Variants in CEP350 observed in about 807,000 individuals in gnomAD.
CEP350 encodes centrosome-associated protein 350.
CEP350 carries 126 observed loss-of-function variants against 331.8 expected under a neutral mutation model. The ratio of observed to expected loss-of-function variants is 0.38; its 90% CI spans 0.33 to 0.44. The LOEUF (loss-of-function observed/expected upper bound fraction) is 0.44. Ranked by LOEUF, CEP350 falls within the 20% of genes least tolerant of loss-of-function variation. CEP350 has a pLI of 1.00. For missense variants in CEP350, 3,406 were observed against 3,634.6 expected (o/e 0.94, Z 1.62); for synonymous variants, 1,200 against 1,259.5 (o/e 0.95, Z 1.00).
intron 24 of CEP350, 130 bp from the exon 25 acceptor site, chr1:180,054,285 A>G (rs1657684177): frequency 1.3e-6 from 1 of 760,932 alleles, no homozygotes. Flanking sequence ...GGCTACATGT[A>G]GCAACTGCTT....
chr1:180,021,958 C>T (rs554527229), intron 12 of CEP350, among the ~76,000 whole-genome samples: 1 of 152,208 alleles, frequency 6.6e-6, no homozygotes, highest in African/African-American at 2.4e-5. Context: ...TCTATCCTTC[C>T]TGCTATATAT....
intron 15 of CEP350, 44 bp from the exon 16 acceptor site, chr1:180,033,818 G>A: frequency 6.4e-7 from 1 of 1,573,072 alleles, no homozygotes. Context: ...GGTTTACAAA[G>A]TACTTTTCCT....
At chr1:180,069,275 T>A (rs1459701717) in intron 27 of CEP350, among the ~76,000 whole-genome samples, 1 of 152,192 alleles carries the variant, frequency 6.6e-6, no homozygotes, top group African/African-American at 2.4e-5. Context: ...AAATGATTGA[T>A]CAAAAAGTTA....
In CEP350 at chr1:179,991,957, C is replaced by G. The variant is rs530360156; in HGVS notation, c.236-105C>G. ...TAGAGATAACTTATATAATATCCAA[C>G]TATTAGAAATAATAGATACCTAATT... On this transcript the variant is annotated intron_variant, in intron 4 of 37. Coordinates refer to ENST00000367607, the MANE Select transcript of CEP350 (RefSeq NM_014810.5). The G allele has an allele frequency of 8.4e-6, 9 of 1,076,596 alleles. No homozygotes were observed. In the African/African-American group the frequency reaches 1.5e-4, roughly 18 times the overall value. The allele number at this position is 1,076,596 out of a possible 1,614,324, so 66.7% of individuals were successfully genotyped here.
At chr1:180,090,557 A>AAGAAAAAAAAAG (rs1553265974) in intron 32 of CEP350, among the ~76,000 whole-genome samples, 157 bp from the exon 33 acceptor site, 2 of 92,244 alleles carry the variant, frequency 2.2e-5, no homozygotes, top group Non-Finnish European at 4.5e-5. Flanking sequence ...AAAAAAAAAA[A>AAGAAAAAAAAAG]AAAAAAAAAA....
intron 21 of CEP350, among the ~76,000 whole-genome samples, chr1:180,047,678 CT>C (rs534463817): frequency 2.8e-4 from 38 of 137,290 alleles, no homozygotes; most frequent in Admixed American, 8.7e-4. Context: ...AGGAGAATCT[CT>C]TGAATCCAGG....
At chr1:180,084,288 T>C (rs1432510724) in intron 31 of CEP350, 110 bp downstream of exon 31, 6 of 1,008,150 alleles carry the variant, frequency 6.0e-6, no homozygotes, top group African/African-American at 3.3e-5. Context: ...TCATTATTAG[T>C]GTGGTGCCAC....
intron 27 of CEP350, among the ~76,000 whole-genome samples, 162 bp downstream of exon 27, chr1:180,065,434 G>A (rs966605286): frequency 1.3e-5 from 2 of 152,102 alleles, no homozygotes; most frequent in African/African-American, 4.8e-5. Context: ...CCAATTAACT[G>A]TAGATCTTAT....
intron 37 of CEP350, among the ~76,000 whole-genome samples, chr1:180,108,569 T>C (rs780777820): frequency 2.0e-5 from 3 of 152,170 alleles, no homozygotes; most frequent in Non-Finnish European, 2.9e-5. Context: ...CAACTTTGAA[T>C]AACAAATTCA....
Position 180,084,005 on chromosome 1 carries a change from G to T in CEP350, c.6125-13G>T, listed in dbSNP as rs759593813. On this transcript the variant is annotated splice_polypyrimidine_tract_variant and intron_variant, in intron 30 of 37. Transcript: ENST00000367607. ...GTCAAAATTATAAATAAAAGATTTT[G>T]TATCTCTTTCAGAAACTACATCTGA... 5.7e-6 allele frequency: 8 copies of T among 1,396,970 alleles called. No individual in the cohort carries two copies. The African/African-American group carries it at 1.2e-4, about 20-fold the overall frequency. The allele number at this position is 1,396,970 out of a possible 1,614,324, so 86.5% of individuals were successfully genotyped here. A position where few individuals can be genotyped will look rare whatever the true frequency, so the allele number is the denominator to read the frequency against.
intron 1 of CEP350, among the ~76,000 whole-genome samples, chr1:179,975,757 G>A (rs1651815924): frequency 6.6e-6 from 1 of 152,132 alleles, no homozygotes; most frequent in African/African-American, 2.4e-5. Context: ...AATTTGAGGT[G>A]CCAATGGTGC....
chr1:180,074,848 A>G (rs1321492283), intron 27 of CEP350, among the ~76,000 whole-genome samples, 174 bp from the exon 28 acceptor site: 2 of 152,180 alleles, frequency 1.3e-5, no homozygotes, highest in Non-Finnish European at 2.9e-5. Flanking sequence ...TCATTTTCTG[A>G]ACAAGTTGAC....
Position 180,114,742 on chromosome 1 carries a change from A to C in CEP350, c.*3581A>C, listed in dbSNP as rs189938509. On this transcript the variant is annotated 3_prime_UTR_variant, in exon 38 of 38. Transcript: ENST00000367607. ...CAGTGCAATTTTGCACCGAACACTT[A>C]AGGGTGTGGTTTGTAAGTACGATCT... The C allele has an allele frequency of 1.3e-5, 2 of 152,756 alleles. No individual in the cohort carries two copies. The highest frequency in any genetic ancestry group is 4.8e-5 in the African/African-American group (2 of 41,568). 9.5% of individuals were successfully genotyped at this position (152,756 alleles called of 1,614,324 possible). A position where few individuals can be genotyped will look rare whatever the true frequency, so the allele number is the denominator to read the frequency against.
At position 180,093,524 on chromosome 1, in the gene CEP350, G is replaced by A. The variant is rs1468140063; in HGVS notation, c.7419G>A (p.Val2473=). The A allele has an allele frequency of 6.2e-7, 1 of 1,613,404 alleles. No homozygotes were observed. Among genetic ancestry groups the A allele is most frequent in the Admixed American group, 1.7e-5 (1 of 59,962 alleles). ...TGAAAAGTAAGGAGCGCAGTGATGT[G>A]GAGCATGAACAGCAAGTTACTGAAT... The part of the protein sequence containing the change: ...ELMKSKERSD[V]EHEQQVTESP... The change falls in exon 34 of 38, where the codon GTG becomes GTA. Residue 2473 remains valine (V), a synonymous_variant. Coordinates refer to ENST00000367607, the MANE Select transcript of CEP350 (RefSeq NM_014810.5).
chr1:180,056,472 C>T (rs1369260632), intron 25 of CEP350, among the ~76,000 whole-genome samples: 2 of 116,614 alleles, frequency 1.7e-5, no homozygotes, highest in Non-Finnish European at 3.5e-5. Flanking sequence ...CCCTCCCCCC[C>T]CCCCTTTTTT....
chr1:179,964,779 T>A (rs537411232), intron 1 of CEP350, among the ~76,000 whole-genome samples: 10 of 151,670 alleles, frequency 6.6e-5, no homozygotes, highest in South Asian at 2.1e-4. Context: ...TTTTTTTTTT[T>A]AATTTACTTA....
intron 22 of CEP350, chr1:180,052,185 C>A: frequency 2.2e-6 from 1 of 453,970 alleles, no homozygotes; most frequent in Non-Finnish European, 4.4e-6. Flanking sequence ...ACAAGGACAA[C>A]TAGTGCCTAC....
At chr1:179,973,959 C>T (rs1042208692) in intron 1 of CEP350, among the ~76,000 whole-genome samples, 6 of 152,064 alleles carry the variant, frequency 3.9e-5, no homozygotes, top group South Asian at 2.1e-4. Flanking sequence ...TGTTTCTTAA[C>T]GCTTCTGTTG....
At chr1:180,012,895 A>G (rs981954266) in intron 9 of CEP350, among the ~76,000 whole-genome samples, 2 of 152,094 alleles carry the variant, frequency 1.3e-5, no homozygotes. Flanking sequence ...TTTTCTGTAT[A>G]TTTAAGTTTT....
Sources: gnomAD v4.1 joint callset for allele counts (sites outside exome capture counted in the v4.1 genomes callset) on GRCh38, gnomAD v4.1.1 for gene constraint, MANE v1.5 for transcripts, NCBI Gene and HGNC (gene_info 2026-07-23, HGNC 2026-07-21) for gene names.